Variants in TNFSF8 observed in about 807,000 individuals in gnomAD.
TNFSF8 encodes the protein TNF superfamily member 8.
Under a neutral mutation model 22.0 loss-of-function variants are expected in TNFSF8, and 4 were observed. That is an observed-to-expected ratio of 0.18 (90% CI 0.09 to 0.42). The LOEUF (loss-of-function observed/expected upper bound fraction) is 0.42, where lower values mean the gene tolerates loss of function less well. Ranked by LOEUF, TNFSF8 falls within the 10% of genes least tolerant of loss-of-function variation. The probability of loss-of-function intolerance (pLI) is 1.00; values close to 1 mark genes in which losing one functional copy is unlikely to be tolerated. For synonymous variants in TNFSF8, 106 were observed against 112.5 expected, an observed-to-expected ratio of 0.94 and a Z score of 0.37; for missense variants, 233 against 281.8, an observed-to-expected ratio of 0.83 and a Z score of 1.24.
intron 1 of TNFSF8, among the ~76,000 whole-genome samples, chr9:114,924,157 A>G (rs1367284258): frequency 6.6e-6 from 1 of 152,228 alleles, no homozygotes; most frequent in Non-Finnish European, 1.5e-5. Flanking sequence ...TCAAACTTTA[A>G]TGTGCATACA....
intron 2 of TNFSF8, among the ~76,000 whole-genome samples, chr9:114,911,562 G>A (rs188535157): frequency 4.7e-4 from 72 of 152,252 alleles, no homozygotes; most frequent in Non-Finnish European, 6.3e-4. Flanking sequence ...ACTGCAGGAT[G>A]GACCATTTGT....
chr9:114,911,829 A>G (rs1827855463), intron 2 of TNFSF8, among the ~76,000 whole-genome samples: 1 of 151,924 alleles, frequency 6.6e-6, no homozygotes, highest in Non-Finnish European at 1.5e-5. Flanking sequence ...GTCTGACACT[A>G]TGGGCATTTC....
chr9:114,907,463 G>A (rs950337499), intron 2 of TNFSF8, among the ~76,000 whole-genome samples: 19 of 152,146 alleles, frequency 1.2e-4, no homozygotes, highest in South Asian at 2.1e-4. Context: ...TCCTCCTGGC[G>A]TAGCCTCCTA....
Position 114,930,416 on chromosome 9 carries a change from G to T in TNFSF8, c.-113C>A. On this transcript the variant is annotated 5_prime_UTR_variant, in exon 1 of 4. Coordinates refer to ENST00000223795, the MANE Select transcript of TNFSF8 (RefSeq NM_001244.4). ...CCCTGAATCCTGAATCATGTGACTT[G>T]GAAAAAAACCTTCACCTGCTGCCTG... 1.1e-6 allele frequency: 1 copy of T among 934,690 alleles called. No individual in the cohort carries two copies. The allele number at this position is 934,690 out of a possible 1,614,324, so 57.9% of individuals were successfully genotyped here. A position where few individuals can be genotyped will look rare whatever the true frequency, so the allele number is the denominator to read the frequency against.
At chr9:114,905,350 G>A (rs534562213) in intron 3 of TNFSF8, among the ~76,000 whole-genome samples, 56 of 152,162 alleles carry the variant, frequency 3.7e-4, no homozygotes, top group Non-Finnish European at 6.6e-4. Context: ...TATGCAAATC[G>A]GCCCTGTGCT....
At chr9:114,921,910 C>T (rs897207954) in intron 1 of TNFSF8, among the ~76,000 whole-genome samples, 5 of 152,086 alleles carry the variant, frequency 3.3e-5, no homozygotes, top group African/African-American at 1.2e-4. Context: ...GATGAGTATT[C>T]CCAACAGTAA....
chr9:114,926,986 T>A (rs1388397510), intron 1 of TNFSF8, among the ~76,000 whole-genome samples: 2 of 143,364 alleles, frequency 1.4e-5, no homozygotes, highest in Non-Finnish European at 3.0e-5. Flanking sequence ...TAATATAATA[T>A]TTATAATATA....
chr9:114,917,883 A>G (rs1238084232), intron 2 of TNFSF8, among the ~76,000 whole-genome samples: 1 of 152,182 alleles, frequency 6.6e-6, no homozygotes, highest in African/African-American at 2.4e-5. Flanking sequence ...GAGTGTCAAG[A>G]GCTGGTGGGA....
rs1827745804 is a variant in TNFSF8, at chr9:114,903,675, T to C, written c.*256A>G. Reference sequence around the variant, plus strand: ...GAGGTTGGGCTGGGACATCCATTCATCCCTTCTGATTCTGTGTGGGGCTCT... The same window carrying C: ...GAGGTTGGGCTGGGACATCCATTCACCCCTTCTGATTCTGTGTGGGGCTCT... On this transcript the variant is annotated 3_prime_UTR_variant, in exon 4 of 4. Coordinates refer to ENST00000223795, the MANE Select transcript of TNFSF8 (RefSeq NM_001244.4). 3.4e-6 allele frequency: 4 copies of C among 1,170,086 alleles called. No individual in the cohort carries two copies. The highest frequency in any genetic ancestry group is 3.3e-5 in the South Asian group (1 of 30,170). The allele number at this position is 1,170,086 out of a possible 1,614,324, so 72.5% of individuals were successfully genotyped here. A position where few individuals can be genotyped will look rare whatever the true frequency, so the allele number is the denominator to read the frequency against.
chr9:114,920,472 T>C (rs756238943), intron 1 of TNFSF8, among the ~76,000 whole-genome samples: 1 of 152,280 alleles, frequency 6.6e-6, no homozygotes, highest in South Asian at 2.1e-4. Flanking sequence ...ATTTTATGCT[T>C]TAGTCATTAA....
intron 2 of TNFSF8, among the ~76,000 whole-genome samples, chr9:114,910,003 G>A (rs1429568253): frequency 6.6e-6 from 1 of 152,214 alleles, no homozygotes; most frequent in African/African-American, 2.4e-5. Context: ...CAGGACCAGA[G>A]ACCAGGGCTC....
chr9:114,897,071 T>G (rs1167639667), downstream of TNFSF8, among the ~76,000 whole-genome samples: 1 of 152,050 alleles, frequency 6.6e-6, no homozygotes. Context: ...CCTGGCTAAT[T>G]TTGATTTTTA....
downstream of TNFSF8, among the ~76,000 whole-genome samples, chr9:114,900,357 G>T (rs1291299443): frequency 6.6e-6 from 1 of 152,200 alleles, no homozygotes; most frequent in East Asian, 1.9e-4. Flanking sequence ...GATCTGCCAG[G>T]CTTGATGGAA....
In TNFSF8 at chr9:114,930,261, G is replaced by A; in HGVS notation, c.43C>T (p.Pro15Ser). Reference protein sequence around the residue: ...LQQALNGMAPPGDTAMHVPAG... With the variant: ...LQQALNGMAPSGDTAMHVPAG... ...GGCACATGCATGGCTGTGTCTCCAG[G>A]AGGGGCCATTCCGTTGAGTGCTTGC... is the stretch of plus-strand genomic sequence containing the variant. The change falls in exon 1 of 4, where the codon CCT (proline) becomes TCT (serine). Residue 15 changes from proline to serine, a missense_variant. Pro to Ser is a moderately conservative substitution (Grantham distance 74). Transcript: ENST00000223795. The A allele has an allele frequency of 3.1e-6, 5 of 1,603,112 alleles. No homozygotes were observed. The highest frequency in any genetic ancestry group is 4.3e-6 in the Non-Finnish European group (5 of 1,174,926).
chr9:114,926,186 C>T (rs1343031044), intron 1 of TNFSF8, among the ~76,000 whole-genome samples: 1 of 152,152 alleles, frequency 6.6e-6, no homozygotes, highest in Non-Finnish European at 1.5e-5. Context: ...CTAGTACAAT[C>T]TCTTTGGAGA....
downstream of TNFSF8, among the ~76,000 whole-genome samples, chr9:114,899,208 A>G (rs1195421775): frequency 2.0e-5 from 3 of 152,196 alleles, no homozygotes; most frequent in East Asian, 5.8e-4. Flanking sequence ...CTGAGCTGCA[A>G]AAGAATAAGG....
At position 114,901,511 on chromosome 9, in the gene TNFSF8, T is replaced by C; in HGVS notation, c.*2420A>G. ...AAATGGAATCTTTCTCGAGTTAGAA[T>C]GTGAGATGGCAAAAAAATTGCTTAG... On this transcript the variant is annotated 3_prime_UTR_variant, in exon 4 of 4. Coordinates refer to ENST00000223795, the MANE Select transcript of TNFSF8 (RefSeq NM_001244.4). 2 of 985,256 alleles carry C rather than the reference T, an allele frequency of 2.0e-6. No individual in the cohort carries two copies. The highest frequency in any genetic ancestry group is 2.4e-6 in the Non-Finnish European group (2 of 829,774). 61.0% of individuals were successfully genotyped at this position (985,256 alleles called of 1,614,324 possible).
chr9:114,912,036 A>G (rs1482800904), intron 2 of TNFSF8, among the ~76,000 whole-genome samples: 2 of 152,230 alleles, frequency 1.3e-5, no homozygotes, highest in African/African-American at 4.8e-5. Flanking sequence ...AATTTTAGAA[A>G]GTTCGTTTTG....
Position 114,904,185 on chromosome 9 carries a change from A to G in TNFSF8, c.451T>C (p.Cys151Arg), listed in dbSNP as rs1350262838. 1 of 1,614,036 alleles carries G rather than the reference A, an allele frequency of 6.2e-7. No individual in the cohort carries two copies. The highest frequency in any genetic ancestry group is 1.3e-5 in the African/African-American group (1 of 74,928). The change falls in exon 4 of 4, where the codon TGC (cysteine) becomes CGC (arginine). Residue 151 changes from cysteine (C) to arginine (R), a missense_variant. Transcript: ENST00000223795. Reference protein sequence around the residue: ...IICQLQFLVQCPNNSVDLKLE... With the variant: ...IICQLQFLVQRPNNSVDLKLE... ...TTCAGATCGACAGAATTATTTGGGC[A>G]TTGTACAAGAAACTGCAGTTGGCAA...
Sources: gnomAD v4.1 joint callset for allele counts (sites outside exome capture counted in the v4.1 genomes callset) on GRCh38, gnomAD v4.1.1 for gene constraint, MANE v1.5 for transcripts, NCBI Gene and HGNC (gene_info 2026-07-23, HGNC 2026-07-21) for gene names.